VPS13B: variants seen among roughly 807,000 people sequenced by gnomAD.
The protein encoded by VPS13B is intermembrane lipid transfer protein VPS13B.
A neutral mutation model predicts 426.4 loss-of-function variants in VPS13B; 285 were observed. That is an observed-to-expected ratio of 0.67 (90% CI 0.61 to 0.74). The LOEUF is 0.74. Ranked by LOEUF, VPS13B falls within the 30% of genes least tolerant of loss-of-function variation. The pLI, the probability that VPS13B is intolerant of heterozygous loss-of-function variation, is 0.00. For missense variants in VPS13B, 4,537 were observed against 4,782.6 expected (o/e 0.95, Z 1.51); for synonymous variants, 1,676 against 1,676.4 (o/e 1.00, Z 0.01).
At chr8:99,364,802 G>A (rs1812761124) in intron 19 of VPS13B, among the ~76,000 whole-genome samples, 1 of 152,114 alleles carries the variant, frequency 6.6e-6, no homozygotes, top group African/African-American at 2.4e-5. Context: ...CGTAGAATGA[G>A]TTTGGAAGTA....
intron 55 of VPS13B, 122 bp from the exon 56 acceptor site, chr8:99,853,329 T>G (rs1816384801): frequency 1.0e-6 from 1 of 995,698 alleles, no homozygotes; most frequent in South Asian, 1.6e-5. Flanking sequence ...TCTTATTTGT[T>G]TCTTATGAGA....
chr8:99,846,101 A>G (rs1043230864), intron 54 of VPS13B, among the ~76,000 whole-genome samples: 3 of 152,212 alleles, frequency 2.0e-5, no homozygotes, highest in African/African-American at 7.2e-5. Context: ...ATACAGCAGA[A>G]GCCACATTGA....
intron 47 of VPS13B, 78 bp downstream of exon 47, chr8:99,818,966 C>CGGG: frequency 1.1e-5 from 1 of 93,688 alleles, no homozygotes; most frequent in Non-Finnish European, 2.2e-5. Flanking sequence ...CACTGGGGGG[C>CGGG]GGCGGGGGAG....
At chr8:99,206,514 G>T (rs117250643) in intron 17 of VPS13B, among the ~76,000 whole-genome samples, 2,031 of 152,164 alleles carry the variant, frequency 0.013, 19 homozygotes, top group Non-Finnish European at 0.02. Flanking sequence ...GGATCATGTC[G>T]TTCTGTATGT....
intron 58 of VPS13B, among the ~76,000 whole-genome samples, chr8:99,863,478 G>C (rs981308271): frequency 5.9e-5 from 9 of 152,022 alleles, no homozygotes; most frequent in Non-Finnish European, 1.2e-4. Flanking sequence ...GGAGCTTCTA[G>C]GCAAAGAGAG....
At chr8:99,384,179 T>G (rs767434836) in intron 19 of VPS13B, 29 bp from the exon 20 acceptor site, 6 of 1,563,698 alleles carry the variant, frequency 3.8e-6, no homozygotes, top group Admixed American at 1.7e-5. Context: ...TGAGGACTTA[T>G]GTAACAGTTT....
intron 19 of VPS13B, among the ~76,000 whole-genome samples, chr8:99,318,523 A>AT (rs934243178): frequency 1.2e-4 from 18 of 151,930 alleles, no homozygotes; most frequent in African/African-American, 2.4e-4. Flanking sequence ...TGGAATTATT[A>AT]TTTTTTTTAT....
chr8:99,802,668 T>C (rs910607208), intron 43 of VPS13B, among the ~76,000 whole-genome samples: 5 of 152,180 alleles, frequency 3.3e-5, no homozygotes, highest in Non-Finnish European at 4.4e-5. Flanking sequence ...TTTTGTTTAT[T>C]TGTTTTACAA....
At chr8:99,098,879 A>G (rs951701482) in intron 4 of VPS13B, among the ~76,000 whole-genome samples, 5 of 152,090 alleles carry the variant, frequency 3.3e-5, no homozygotes, top group Admixed American at 2.6e-4. Flanking sequence ...TAGGAAAGCT[A>G]ATTTTTATAT....
chr8:99,354,968 T>G (rs2133220833), intron 19 of VPS13B, among the ~76,000 whole-genome samples: 1 of 152,268 alleles, frequency 6.6e-6, no homozygotes, highest in South Asian at 2.1e-4. Context: ...AAAAACCTAG[T>G]CATGGGAGAA....
intron 23 of VPS13B, among the ~76,000 whole-genome samples, chr8:99,449,521 T>G (rs1818085810): frequency 6.6e-6 from 1 of 151,862 alleles, no homozygotes; most frequent in South Asian, 2.1e-4. Flanking sequence ...ATTTATAGAG[T>G]GACAAATGAA....
chr8:99,513,819 C>A (rs1488782244), intron 29 of VPS13B, among the ~76,000 whole-genome samples: 3 of 152,022 alleles, frequency 2.0e-5, no homozygotes, highest in African/African-American at 7.2e-5. Flanking sequence ...TTTTTTTCTG[C>A]ATCTTTGGCA....
chr8:99,422,396 C>T (rs1437935709), intron 21 of VPS13B, among the ~76,000 whole-genome samples: 1 of 151,944 alleles, frequency 6.6e-6, no homozygotes, highest in East Asian at 1.9e-4. Context: ...TTAATAGTGC[C>T]CATACTGCTT....
chr8:99,433,885 C>T (rs746500293), intron 22 of VPS13B, among the ~76,000 whole-genome samples: 12 of 152,042 alleles, frequency 7.9e-5, no homozygotes, highest in Non-Finnish European at 1.8e-4. Context: ...CAACTCATTG[C>T]ACCTTCGCCT....
chr8:99,784,767 T>C (rs938695230), intron 43 of VPS13B, among the ~76,000 whole-genome samples: 1 of 152,184 alleles, frequency 6.6e-6, no homozygotes, highest in African/African-American at 2.4e-5. Context: ...AACCTTGCTC[T>C]ACTTTCTGTT....
chr8:99,053,268 C>T (rs753366379), intron 3 of VPS13B, among the ~76,000 whole-genome samples: 3 of 152,000 alleles, frequency 2.0e-5, no homozygotes, highest in Admixed American at 2.0e-4. Context: ...TTAGGTATAT[C>T]TCCTAATGCT....
At chr8:99,771,775 A>G (rs1245455881) in intron 40 of VPS13B, among the ~76,000 whole-genome samples, 2 of 152,180 alleles carry the variant, frequency 1.3e-5, no homozygotes, top group Admixed American at 6.5e-5. Flanking sequence ...TTTTAGATGT[A>G]TCTAGATTTT....
rs935871995 is a variant in VPS13B at position 99,817,412 on chromosome 8, C to T, written c.8098-128C>T. On this transcript the variant is annotated intron_variant, in intron 44 of 61. Coordinates refer to ENST00000357162, the MANE Select transcript of VPS13B (RefSeq NM_152564.5). Reference sequence around the variant, plus strand: ...CTTCAAGTCTTTTTTCCTTCTTGTACTGTTTAAGCTAATTACTTCATTTTC... The same window carrying T: ...CTTCAAGTCTTTTTTCCTTCTTGTATTGTTTAAGCTAATTACTTCATTTTC... 22 of 1,251,374 alleles carry T rather than the reference C, an allele frequency of 1.8e-5. No homozygotes were observed. In the African/African-American group the frequency reaches 2.2e-4, roughly 13 times the overall value. 77.5% of individuals were successfully genotyped at this position (1,251,374 alleles called of 1,614,324 possible).
chr8:99,819,916 A>C lies in VPS13B; in HGVS notation c.8793-5A>C. 1 of 1,613,884 alleles carries C rather than the reference A, an allele frequency of 6.2e-7. No homozygotes were observed. The highest frequency in any genetic ancestry group is 1.7e-5 in the Admixed American group (1 of 59,996). On this transcript the variant is annotated splice_polypyrimidine_tract_variant and splice_region_variant and intron_variant, in intron 48 of 61. Coordinates refer to ENST00000357162, the MANE Select transcript of VPS13B (RefSeq NM_152564.5). ...TGAGTCTCTTGGATGTGGTTTTTGG[A>C]ACAGGAATGAACAGCTAAGTCAGTG...
Sources: allele counts gnomAD v4.1 joint callset (sites outside exome capture counted in the v4.1 genomes callset), GRCh38; gene constraint gnomAD v4.1.1; transcripts MANE v1.5; gene names NCBI Gene and HGNC (gene_info 2026-07-23, HGNC 2026-07-21).